COPZ1: variants seen among roughly 807,000 people sequenced by gnomAD.
COPZ1 encodes the protein coatomer subunit zeta-1.
In COPZ1, 4 loss-of-function variants were observed where a neutral mutation model predicts 31.7. The observed-to-expected ratio is 0.13, with a 90% CI of 0.06 to 0.29. COPZ1 has a LOEUF of 0.29. COPZ1 is among the 10% of genes least tolerant of loss of function. COPZ1 has a pLI of 1.00. For missense variants in COPZ1, 156 were observed against 211.5 expected (o/e 0.74, Z 1.63); for synonymous variants, 74 against 79.0 (o/e 0.94, Z 0.33).
intron 5 of COPZ1, among the ~76,000 whole-genome samples, chr12:54,346,982 T>A (rs1239428265): frequency 1.3e-5 from 2 of 151,880 alleles, no homozygotes; most frequent in African/African-American, 4.8e-5. Flanking sequence ...TATAAGTTAC[T>A]TTTCCTGAAA....
At chr12:54,347,064 A>G (rs1367832441) in intron 5 of COPZ1, among the ~76,000 whole-genome samples, 2 of 152,222 alleles carry the variant, frequency 1.3e-5, no homozygotes, top group East Asian at 3.8e-4. Context: ...CATCCAGACC[A>G]GAACAGCAGG....
At chr12:54,343,488 C>T (rs146481326) in intron 4 of COPZ1, among the ~76,000 whole-genome samples, 172 bp downstream of exon 4, 97 of 152,260 alleles carry the variant, frequency 6.4e-4, no homozygotes, top group African/African-American at 2.3e-3. Context: ...GCAAATGAAT[C>T]GCCTAGAAAG....
At position 54,347,982 on chromosome 12, in the gene COPZ1, T is replaced by C. The variant is rs753109868; in HGVS notation, c.396-18T>C. 1.2e-6 allele frequency: 2 copies of C among 1,613,006 alleles called. No homozygotes were observed. Among genetic ancestry groups the C allele is most frequent in the Non-Finnish European group, 1.7e-6 (2 of 1,179,200 alleles). On this transcript the variant is annotated intron_variant, in intron 6 of 8. Coordinates refer to ENST00000262061, the MANE Select transcript of COPZ1 (RefSeq NM_016057.3). ...CTTCGGGACAGAGTGAACAATGATC[T>C]CTTCTTTGTTTTTGCAGGGTGATCC...
At chr12:54,341,831 G>A (rs1324289971) in intron 2 of COPZ1, among the ~76,000 whole-genome samples, 2 of 152,172 alleles carry the variant, frequency 1.3e-5, no homozygotes, top group Non-Finnish European at 2.9e-5. Flanking sequence ...TGTGCTTCTA[G>A]TGTTTTTTGT....
chr12:54,328,904 G>A (rs1953706777), intron 1 of COPZ1, among the ~76,000 whole-genome samples: 1 of 152,188 alleles, frequency 6.6e-6, no homozygotes, highest in African/African-American at 2.4e-5. Flanking sequence ...GGGTCAAGAA[G>A]AACTGTTGAT....
At chr12:54,332,566 G>GTCTA (rs2137089016) in intron 1 of COPZ1, among the ~76,000 whole-genome samples, 1 of 152,038 alleles carries the variant, frequency 6.6e-6, no homozygotes, top group East Asian at 1.9e-4. Context: ...GCAAAGCCCT[G>GTCTA]TCTACTAAAA....
chr12:54,350,259 C>G (rs779257116), intron 8 of COPZ1: 9 of 715,746 alleles, frequency 1.3e-5, no homozygotes, highest in Non-Finnish European at 2.0e-5. Flanking sequence ...TACCTCTTCT[C>G]TCTTCATCCC....
At chr12:54,346,266 T>C (rs963066471) in intron 5 of COPZ1, among the ~76,000 whole-genome samples, 5 of 151,526 alleles carry the variant, frequency 3.3e-5, no homozygotes, top group African/African-American at 9.7e-5. Flanking sequence ...CCCAATTTTT[T>C]TTTCTTTTTT....
intron 5 of COPZ1, among the ~76,000 whole-genome samples, chr12:54,347,287 G>T (rs1250979444): frequency 6.6e-6 from 1 of 152,218 alleles, no homozygotes; most frequent in African/African-American, 2.4e-5. Context: ...TCTTTTCAGG[G>T]CCTGAGCAGA....
chr12:54,332,983 C>T (rs1412999277), intron 1 of COPZ1, among the ~76,000 whole-genome samples: 1 of 152,074 alleles, frequency 6.6e-6, no homozygotes, highest in African/African-American at 2.4e-5. Context: ...GAGAGAATCT[C>T]ATTTAATTCT....
At chr12:54,346,419 C>T (rs377063480) in intron 5 of COPZ1, among the ~76,000 whole-genome samples, 1 of 151,878 alleles carries the variant, frequency 6.6e-6, no homozygotes, top group East Asian at 2.0e-4. Context: ...ATTATAGGCA[C>T]GTGCCACCAC....
chr12:54,328,322 A>G (rs1424228421), intron 1 of COPZ1, among the ~76,000 whole-genome samples: 1 of 148,534 alleles, frequency 6.7e-6, no homozygotes, highest in Non-Finnish European at 1.5e-5. Context: ...CTGTAAATCC[A>G]GCACTTTGGG....
chr12:54,331,173 CTT>C lies in COPZ1; in HGVS notation c.18+6015_18+6016del, dbSNP rs1000222358. 1.9e-3 allele frequency among the ~76,000 whole-genome samples: 153 copies of C among 80,258 alleles called. 1 individual carries two copies. Among genetic ancestry groups the C allele is most frequent in the African/African-American group, 7.4e-3 (148 of 20,066 alleles). 52.7% of individuals were successfully genotyped at this position (80,258 alleles called of 152,430 possible). A position where few individuals can be genotyped will look rare whatever the true frequency, so the allele number is the denominator to read the frequency against. On this transcript the variant is annotated intron_variant, in intron 1 of 8. Transcript: ENST00000262061. ...TTATTTGGCTTTTTATTTTCACACT[CTT>C]TTTTTTTTTTTTTTTTTTTTTTGAG...
chr12:54,346,095 C>T (rs547106285), intron 5 of COPZ1, among the ~76,000 whole-genome samples: 1 of 152,192 alleles, frequency 6.6e-6, no homozygotes, highest in African/African-American at 2.4e-5. Flanking sequence ...ATCTTTACCT[C>T]TGTGTTTACT....
chr12:54,349,807 AT>A (rs1954117456), intron 8 of COPZ1, 149 bp downstream of exon 8: 2 of 765,220 alleles, frequency 2.6e-6, no homozygotes, highest in Admixed American at 3.6e-5. Flanking sequence ...ACTGGGACTC[AT>A]ACAGCCAGCC....
At chr12:54,349,552 T>C in intron 7 of COPZ1, 68 bp from the exon 8 acceptor site, 4 of 1,267,266 alleles carry the variant, frequency 3.2e-6, no homozygotes, top group Non-Finnish European at 3.5e-6. Flanking sequence ...TCTTCTCTAA[T>C]ACCAGACTCC....
At chr12:54,348,645 G>A (rs1349138961) in intron 7 of COPZ1, among the ~76,000 whole-genome samples, 1 of 152,166 alleles carries the variant, frequency 6.6e-6, no homozygotes, top group Non-Finnish European at 1.5e-5. Flanking sequence ...GCTAAGGCAG[G>A]AGAATTGCTT....
intron 1 of COPZ1, chr12:54,337,099 T>G (rs906351212): frequency 1.2e-5 from 6 of 489,694 alleles, no homozygotes; most frequent in Non-Finnish European, 2.4e-5. Context: ...TGTTCTGTGG[T>G]GTTTCACCTG....
At chr12:54,344,346 G>A (rs1475017107) in intron 4 of COPZ1, among the ~76,000 whole-genome samples, 1 of 152,136 alleles carries the variant, frequency 6.6e-6, no homozygotes, top group East Asian at 1.9e-4. Context: ...TTGGGAGGCC[G>A]AGGCAGGCGG....
Sources: allele counts gnomAD v4.1 joint callset (sites outside exome capture counted in the v4.1 genomes callset), GRCh38; gene constraint gnomAD v4.1.1; transcripts MANE v1.5; gene names NCBI Gene and HGNC (gene_info 2026-07-23, HGNC 2026-07-21).